The following TRHDE variants were observed in gnomAD, a reference collection of about 807,000 sequenced individuals.
TRHDE encodes the protein thyrotropin releasing hormone degrading enzyme, also known as thyrotropin-releasing hormone-degrading ectoenzyme.
TRHDE carries 72 observed loss-of-function variants against 125.7 expected under a neutral mutation model. That is an observed-to-expected ratio of 0.57 (90% confidence interval 0.47 to 0.70). The LOEUF (loss-of-function observed/expected upper bound fraction) is 0.70. Among genes scored for constraint, TRHDE ranks in the 30% least tolerant of loss-of-function variants. TRHDE has a pLI of 0.00. For synonymous variants in TRHDE, 509 were observed against 509.1 expected (o/e 1.00, Z 0.00); for missense variants, 1,110 against 1,327.1 (o/e 0.84, Z 2.54).
At chr12:72,189,311 A>G (rs1877291047) in intron 2 of TRHDE, among the ~76,000 whole-genome samples, 1 of 152,208 alleles carries the variant, frequency 6.6e-6, no homozygotes, top group Non-Finnish European at 1.5e-5. Context: ...TTACAGGTAA[A>G]TGGGTATTCT....
At chr12:72,353,582 G>A (rs752105340) in intron 2 of TRHDE, among the ~76,000 whole-genome samples, 14 of 151,076 alleles carry the variant, frequency 9.3e-5, no homozygotes, top group Non-Finnish European at 1.9e-4. Context: ...CATGCACCTG[G>A]GATCCAAACA....
intron 3 of TRHDE, among the ~76,000 whole-genome samples, chr12:72,458,790 A>G (rs971164866): frequency 9.9e-5 from 15 of 152,070 alleles, no homozygotes; most frequent in Admixed American, 9.8e-4. Context: ...CCCTCTGGCT[A>G]CCCACTATTG....
At chr12:72,184,395 C>A (rs912239219) in intron 2 of TRHDE, among the ~76,000 whole-genome samples, 1 of 152,140 alleles carries the variant, frequency 6.6e-6, no homozygotes, top group African/African-American at 2.4e-5. Flanking sequence ...CCCCTCCCCG[C>A]TTCTTCCCCA....
At chr12:72,405,645 A>G (rs1873235213) in intron 3 of TRHDE, among the ~76,000 whole-genome samples, 1 of 152,234 alleles carries the variant, frequency 6.6e-6, no homozygotes, top group African/African-American at 2.4e-5. Flanking sequence ...CAAACAGAAA[A>G]CCACTTGGCT....
intron 2 of TRHDE, among the ~76,000 whole-genome samples, chr12:72,247,167 A>G (rs1017418341): frequency 6.6e-5 from 10 of 152,186 alleles, no homozygotes; most frequent in South Asian, 2.1e-4. Context: ...AAGCACATCT[A>G]GATTACTTAC....
At chr12:72,466,365 G>A (rs1876374543) in intron 3 of TRHDE, among the ~76,000 whole-genome samples, 1 of 152,130 alleles carries the variant, frequency 6.6e-6, no homozygotes, top group South Asian at 2.1e-4. Context: ...GGCTTCTGGA[G>A]GACTACAGCT....
intron 10 of TRHDE, among the ~76,000 whole-genome samples, chr12:72,572,421 C>A (rs2136024090): frequency 6.6e-6 from 1 of 152,144 alleles, no homozygotes; most frequent in East Asian, 1.9e-4. Context: ...ATATAACTTC[C>A]ATACATTTTA....
chr12:72,312,491 C>T (rs1194433659), intron 2 of TRHDE, among the ~76,000 whole-genome samples: 1 of 152,016 alleles, frequency 6.6e-6, no homozygotes, highest in Non-Finnish European at 1.5e-5. Context: ...GAGCACTCAG[C>T]AATTGTTTTA....
chr12:72,176,375 G>A (rs568653357), intron 2 of TRHDE, among the ~76,000 whole-genome samples: 331 of 152,194 alleles, frequency 2.2e-3, no homozygotes, highest in Non-Finnish European at 4.2e-3. Context: ...TGGATGGCTT[G>A]GGAAGGGAAT....
intron 1 of TRHDE, among the ~76,000 whole-genome samples, chr12:72,097,563 C>T (rs1293269229): frequency 6.6e-6 from 1 of 151,454 alleles, no homozygotes; most frequent in East Asian, 1.9e-4. Flanking sequence ...GATTCTCCCA[C>T]CTCAGTCTCC....
At chr12:72,606,866 A>G (rs1002005996) in intron 12 of TRHDE, among the ~76,000 whole-genome samples, 6 of 152,122 alleles carry the variant, frequency 3.9e-5, no homozygotes, top group African/African-American at 1.2e-4. Context: ...CCACACTTCA[A>G]ATTAATTTAT....
Position 72,584,036 on chromosome 12 carries a change from A to G in TRHDE, c.2321+8494A>G, listed in dbSNP as rs1205146118. The stretch of plus-strand genomic sequence containing the variant: ...GGCTCCGCCCCCTGGGGTTCACGCC[A>G]TTCTCCTGCCTCAGCCTCCGGAGTA... On this transcript the variant is annotated intron_variant, in intron 12 of 18. Coordinates refer to ENST00000261180, the MANE Select transcript of TRHDE (RefSeq NM_013381.3). 4.1e-5 allele frequency among the ~76,000 whole-genome samples: 5 copies of G among 121,684 alleles called. 1 individual carries two copies. Among genetic ancestry groups the G allele is most frequent in the African/African-American group, 7.4e-5 (2 of 27,188 alleles). 79.8% of individuals were successfully genotyped at this position (121,684 alleles called of 152,430 possible). A position where few individuals can be genotyped will look rare whatever the true frequency, so the allele number is the denominator to read the frequency against.
At chr12:72,099,577 C>T (rs1003559621) in intron 1 of TRHDE, among the ~76,000 whole-genome samples, 1 of 152,060 alleles carries the variant, frequency 6.6e-6, no homozygotes, top group Non-Finnish European at 1.5e-5. Context: ...TCAAGAAAAT[C>T]CGATGAATGC....
chr12:72,597,713 GTATATATATATA>G (rs762515309), intron 12 of TRHDE, among the ~76,000 whole-genome samples: 651 of 18,490 alleles, frequency 0.035, 30 homozygotes, highest in African/African-American at 0.085. Context: ...GTGTGTGTAT[GTATATATATATA>G]TATATATATA....
At chr12:72,617,885 C>T (rs1296177211) in intron 12 of TRHDE, among the ~76,000 whole-genome samples, 4 of 152,136 alleles carry the variant, frequency 2.6e-5, no homozygotes, top group Non-Finnish European at 5.9e-5. Flanking sequence ...ATGACCTAAT[C>T]ACTACCAAAG....
At chr12:72,530,767 T>C (rs192078748) in intron 6 of TRHDE, among the ~76,000 whole-genome samples, 1 of 151,994 alleles carries the variant, frequency 6.6e-6, no homozygotes, top group African/African-American at 2.4e-5. Context: ...CTGATTATCT[T>C]ACCTAACATA....
rs1033126420 is a variant in TRHDE, at chr12:72,364,960, G to T, written c.1189-13035G>T. On this transcript the variant is annotated intron_variant, in intron 2 of 18. Coordinates refer to ENST00000261180, the MANE Select transcript of TRHDE (RefSeq NM_013381.3). The stretch of plus-strand genomic sequence containing the variant: ...GAACAAACAAATGAACAACCAAAAA[G>T]TGCAGTTCAATTTTCTACAAAAGAG... Among the ~76,000 whole-genome samples, 3 of 152,060 alleles carry T rather than the reference G, an allele frequency of 2.0e-5. No homozygotes were observed. In the East Asian group the frequency reaches 5.8e-4, roughly 29 times the overall value.
Position 72,378,006 on chromosome 12 carries a change from T to C in TRHDE, c.1200T>C (p.Tyr400=). 1 of 1,589,470 alleles carries C rather than the reference T, an allele frequency of 6.3e-7. No individual in the cohort carries two copies. ...ATATTTTTAATTAGGTACGATTATATGCAAGACCTGATGCTATCAGAAGAG... is the reference window on the plus strand; with the variant it reads ...ATATTTTTAATTAGGTACGATTATACGCAAGACCTGATGCTATCAGAAGAG... The part of the protein sequence containing the change: ...TTKSGVVVRL[Y]ARPDAIRRGS... The change falls in exon 3 of 19, where the codon TAT becomes TAC. Residue 400 remains tyrosine (Y), a synonymous_variant. Coordinates refer to ENST00000261180, the MANE Select transcript of TRHDE (RefSeq NM_013381.3).
chr12:72,108,468 A>G (rs1875240000), intron 2 of TRHDE, among the ~76,000 whole-genome samples: 1 of 152,148 alleles, frequency 6.6e-6, no homozygotes, highest in African/African-American at 2.4e-5. Context: ...TCAGGCTAAC[A>G]TCATCCTGTT....
Sources: allele counts gnomAD v4.1 joint callset (sites outside exome capture counted in the v4.1 genomes callset), GRCh38; gene constraint gnomAD v4.1.1; transcripts MANE v1.5; gene names NCBI Gene and HGNC (gene_info 2026-07-23, HGNC 2026-07-21).